SYNE2: variants seen among roughly 807,000 people sequenced by gnomAD.
SYNE2 encodes nesprin-2.
A neutral mutation model predicts 856.3 loss-of-function variants in SYNE2; 431 were observed. The ratio of observed to expected loss-of-function variants is 0.50; its 90% CI spans 0.47 to 0.55. SYNE2 has a LOEUF of 0.55. Among genes scored for constraint, SYNE2 ranks in the 20% least tolerant of loss-of-function variants. The probability of loss-of-function intolerance (pLI) is 0.00; values close to 1 mark genes in which losing one functional copy is unlikely to be tolerated. For synonymous variants in SYNE2, 2,923 were observed against 2,872.3 expected (o/e 1.02, Z -0.56); for missense variants, 8,129 against 8,023.2 (o/e 1.01, Z -0.50).
chr14:64,056,302 A>C (rs1486301119), intron 49 of SYNE2, 36 bp downstream of exon 49: 1 of 1,550,672 alleles, frequency 6.4e-7, no homozygotes, highest in East Asian at 2.3e-5. Flanking sequence ...TTAAGAACAT[A>C]AAATATTGTT....
intron 61 of SYNE2, among the ~76,000 whole-genome samples, chr14:64,096,284 A>G (rs1456745055): frequency 6.6e-6 from 1 of 152,250 alleles, no homozygotes; most frequent in African/African-American, 2.4e-5. Context: ...AACAACGAAT[A>G]TACTTGGTGT....
intron 6 of SYNE2, among the ~76,000 whole-genome samples, chr14:63,946,678 A>G (rs922804626): frequency 6.7e-6 from 1 of 148,264 alleles, no homozygotes; most frequent in Non-Finnish European, 1.5e-5. Flanking sequence ...AATATAACAT[A>G]TATTACAGTA....
At chr14:64,031,908 A>C (rs996832389) in intron 45 of SYNE2, among the ~76,000 whole-genome samples, 3 of 152,180 alleles carry the variant, frequency 2.0e-5, no homozygotes, top group Admixed American at 2.0e-4. Context: ...ACATGAGTAC[A>C]TTTCTTGTGG....
chr14:64,029,961 C>G lies in SYNE2; in HGVS notation c.6781C>G (p.Leu2261Val). The G allele has an allele frequency of 6.2e-7, 1 of 1,614,040 alleles. No individual in the cohort carries two copies. Among genetic ancestry groups the G allele is most frequent in the East Asian group, 2.2e-5 (1 of 44,864 alleles). The change falls in exon 44 of 116, where the codon CTG becomes GTG. Residue 2261 changes from leucine to valine, a missense_variant. Around this residue, in one of 3 missense-constraint regions of SYNE2, gnomAD observed 297 missense variants for 380.9 expected, o/e 0.78. Coordinates refer to ENST00000555002, the MANE Select transcript of SYNE2 (RefSeq NM_182914.3). ...HDSYQVCVTD[L>V]NTTLDNFSKE... The stretch of plus-strand genomic sequence containing the variant: ...TTCATACCAGGTTTGCGTCACAGAC[C>G]TGAATACTACATTGGACAATTTCTC...
At position 63,815,124 on chromosome 14, in the gene SYNE2, C is replaced by A. The variant is rs183409947; in HGVS notation, c.-304-37377C>A. Among the ~76,000 whole-genome samples, 28 of 93,762 alleles carry A rather than the reference C, an allele frequency of 3.0e-4. No homozygotes were observed. In the East Asian group the frequency reaches 4.6e-3, roughly 15 times the overall value. The allele number at this position is 93,762 out of a possible 152,430, so 61.5% of individuals were successfully genotyped here. A position where few individuals can be genotyped will look rare whatever the true frequency, so the allele number is the denominator to read the frequency against. On this transcript the variant is annotated intron_variant, in intron 1 of 23. Coordinates refer to the SYNE2 transcript ENST00000674003. The stretch of plus-strand genomic sequence containing the variant: ...TATCCACACATATATCCATATATAT[C>A]CACATATATATCCATATATATACAC...
At chr14:64,112,331 T>C (rs2097816995) in intron 65 of SYNE2, among the ~76,000 whole-genome samples, 1 of 152,232 alleles carries the variant, frequency 6.6e-6, no homozygotes, top group Non-Finnish European at 1.5e-5. Context: ...TTGTATTTTA[T>C]CATAATCAAT....
At chr14:63,782,462 CATCTCAAAAAAAAAAAAAAAAAAA>C (rs1050090533) in intron 1 of SYNE2, among the ~76,000 whole-genome samples, 1 of 68,412 alleles carries the variant, frequency 1.5e-5, no homozygotes, top group African/African-American at 6.0e-5. Context: ...AGTGAAACTC[CATCTCAAAAAAAAAAAAAAAAAAA>C]AAAGAGTGAC....
intron 76 of SYNE2, among the ~76,000 whole-genome samples, chr14:64,130,666 C>T (rs2098007844): frequency 6.6e-6 from 1 of 152,092 alleles, no homozygotes; most frequent in Non-Finnish European, 1.5e-5. Context: ...GGGTGGATCA[C>T]CTGAGGTCAG....
At chr14:64,037,133 C>CTT (rs757996897) in intron 45 of SYNE2, among the ~76,000 whole-genome samples, 56 of 138,198 alleles carry the variant, frequency 4.1e-4, no homozygotes, top group African/African-American at 1.4e-3. Context: ...ACTGTCTCCT[C>CTT]TTTTTTTTTT....
Position 64,208,902 on chromosome 14 carries a change from C to T in SYNE2, c.18346C>T (p.Arg6116Cys), listed in dbSNP as rs762858190. The change falls in exon 101 of 116, where the codon CGC becomes TGC. Residue 6116 changes from arginine to cysteine, a missense_variant. Transcript: ENST00000555002. ...IQQTTRSLDR[R>C]WRNICAMSME... ...GCAGACCACCAGGAGCCTGGACAGACGCTGGAGGAACATTTGTGCCATGTC... is the reference window on the plus strand; with the variant it reads ...GCAGACCACCAGGAGCCTGGACAGATGCTGGAGGAACATTTGTGCCATGTC... The T allele has an allele frequency of 5.2e-5, 84 of 1,614,070 alleles. No homozygotes were observed. Among genetic ancestry groups the T allele is most frequent in the Non-Finnish European group, 6.4e-5 (75 of 1,180,040 alleles).
chr14:63,827,693 G>C (rs1323789928), intron 1 of SYNE2, among the ~76,000 whole-genome samples: 2 of 147,150 alleles, frequency 1.4e-5, no homozygotes, highest in African/African-American at 2.5e-5. Context: ...ATGGGCAAAG[G>C]ATTTTTTTTT....
intron 2 of SYNE2, among the ~76,000 whole-genome samples, chr14:63,923,230 C>G (rs1048751100): frequency 6.6e-6 from 1 of 152,132 alleles, no homozygotes; most frequent in Non-Finnish European, 1.5e-5. Flanking sequence ...TTTTCATGTG[C>G]TAAAAATACA....
At chr14:64,210,965 GTCTT>G (rs992212637) in intron 103 of SYNE2, among the ~76,000 whole-genome samples, 3 of 150,516 alleles carry the variant, frequency 2.0e-5, no homozygotes, top group African/African-American at 7.4e-5. Flanking sequence ...CTGTCTCTCC[GTCTT>G]TCTTTCTCTC....
chr14:64,164,433 G>A (rs1033902211), intron 89 of SYNE2, among the ~76,000 whole-genome samples: 1 of 152,114 alleles, frequency 6.6e-6, no homozygotes, highest in East Asian at 1.9e-4. Flanking sequence ...ATAATTAGTA[G>A]AGATGGGGTT....
intron 1 of SYNE2, among the ~76,000 whole-genome samples, chr14:63,835,080 C>T (rs117590177): frequency 0.019 from 2,939 of 152,138 alleles, 32 homozygotes; most frequent in Middle Eastern, 0.034. Context: ...TATCTATTGA[C>T]GGCATATTAT....
At chr14:63,957,643 C>T (rs960292380) in intron 8 of SYNE2, among the ~76,000 whole-genome samples, 2 of 151,612 alleles carry the variant, frequency 1.3e-5, no homozygotes, top group Non-Finnish European at 2.9e-5. Context: ...CTGAGGCGGG[C>T]GGATCATGAG....
intron 1 of SYNE2, among the ~76,000 whole-genome samples, chr14:63,878,935 T>G (rs1292690152): frequency 6.6e-6 from 1 of 152,226 alleles, no homozygotes; most frequent in African/African-American, 2.4e-5. Flanking sequence ...TGATACAGTT[T>G]GGACAGGTGT....
In SYNE2 at chr14:64,090,871, A is replaced by G. The variant is rs1461870057; in HGVS notation, c.11799A>G (p.Ile3933Met). The stretch of plus-strand genomic sequence containing the variant: ...GCTCCTCTTATATAATTAAGGTCAT[A>G]CTTGAAAATATACGTCCCATGAAGA... ...PEEHLKHGEV[I>M]LENIRPMKKT... is the part of the protein sequence containing the mutation. The change falls in exon 60 of 116, where the codon ATA (isoleucine) becomes ATG (methionine). Residue 3933 changes from isoleucine to methionine, a missense_variant. Physicochemically the swap from Ile to Met is conservative, Grantham distance 10 (BLOSUM62 1). Around this residue, in one of 3 missense-constraint regions of SYNE2, gnomAD observed 5,410 missense variants for 5,284.8 expected, o/e 1.02. Transcript: ENST00000555002. 6.2e-7 allele frequency: 1 copy of G among 1,613,828 alleles called. No homozygotes were observed. The highest frequency in any genetic ancestry group is 8.5e-7 in the Non-Finnish European group (1 of 1,179,864).
chr14:64,037,673 G>A (rs1171263965), intron 45 of SYNE2, among the ~76,000 whole-genome samples: 1 of 16,244 alleles, frequency 6.2e-5, no homozygotes, highest in South Asian at 1.7e-3. Context: ...GGTGGTGGCC[G>A]GGCAGAGGGG....
Sources: gnomAD v4.1 joint callset for allele counts (sites outside exome capture counted in the v4.1 genomes callset) on GRCh38, gnomAD v4.1.1 for gene constraint, gnomAD v4.1.1 regional missense constraint, MANE v1.5 for transcripts, NCBI Gene and HGNC (gene_info 2026-07-23, HGNC 2026-07-21) for gene names.